ZNF589: variants seen among roughly 807,000 people sequenced by gnomAD.
ZNF589 encodes the protein KRAB-zinc finger protein SZF1-1.
ZNF589 carries 17 observed loss-of-function variants against 13.6 expected under a neutral mutation model. The ratio of observed to expected loss-of-function variants is 1.25; its 90% CI spans 0.86 to 1.88. The LOEUF (loss-of-function observed/expected upper bound fraction) is 1.88. Ranked by LOEUF, ZNF589 falls within the 40% of genes most tolerant of loss-of-function variation. The pLI is 0.00. For synonymous variants in ZNF589, 148 were observed against 161.6 expected (o/e 0.92, Z 0.64); for missense variants, 407 against 434.0 (o/e 0.94, Z 0.55).
At position 48,268,878 on chromosome 3, in the gene ZNF589, G is replaced by A; in HGVS notation, c.*92G>A. On this transcript the variant is annotated 3_prime_UTR_variant, in exon 4 of 4. Coordinates refer to ENST00000354698, the MANE Select transcript of ZNF589 (RefSeq NM_016089.3). The stretch of plus-strand genomic sequence containing the variant: ...TTTGTTTGCAGAGAGTGTGGGCGAG[G>A]CTTTCGTGCTAAATCAACTCTCCTC... 6.6e-7 allele frequency: 1 copy of A among 1,508,696 alleles called. No homozygotes were observed. The highest frequency in any genetic ancestry group is 8.9e-7 in the Non-Finnish European group (1 of 1,119,108). 93.5% of individuals were successfully genotyped at this position (1,508,696 alleles called of 1,614,324 possible).
Position 48,268,638 on chromosome 3 carries a change from A to C in ZNF589, c.947A>C (p.Lys316Thr), listed in dbSNP as rs1318112938. 9 of 1,613,798 alleles carry C rather than the reference A, an allele frequency of 5.6e-6. No individual in the cohort carries two copies. Among genetic ancestry groups the C allele is most frequent in the Non-Finnish European group, 7.6e-6 (9 of 1,180,002 alleles). The change falls in exon 4 of 4, where the codon AAG becomes ACG. Residue 316 changes from lysine (K) to threonine (T), a missense_variant. Transcript: ENST00000354698. ...CATTGTGGGCGAGGCTTTAGCTGCA[A>C]GCCATACCTCATCAGACATCAGAGG... The part of the protein sequence containing the change: ...CSHCGRGFSC[K>T]PYLIRHQRTH...
chr3:48,245,688 C>T (rs2033755169), intron 1 of ZNF589, among the ~76,000 whole-genome samples: 1 of 152,216 alleles, frequency 6.6e-6, no homozygotes, highest in East Asian at 1.9e-4. Context: ...TGGCTCACGC[C>T]TGTAATCCCA....
chr3:48,244,412 CAA>C, intron 1 of ZNF589, among the ~76,000 whole-genome samples: 1 of 152,120 alleles, frequency 6.6e-6, no homozygotes, highest in South Asian at 2.1e-4. Context: ...AGACAGTTAT[CAA>C]ACAAGACTAT....
At chr3:48,249,746 C>T (rs1330586390) in intron 2 of ZNF589, among the ~76,000 whole-genome samples, 2 of 152,106 alleles carry the variant, frequency 1.3e-5, no homozygotes, top group African/African-American at 2.4e-5. Flanking sequence ...ATGATCAAAT[C>T]GGGGTAATTA....
chr3:48,270,391 T>A lies in ZNF589; in HGVS notation c.*1605T>A, dbSNP rs1476140686. 5.4e-6 allele frequency: 2 copies of A among 367,650 alleles called. No individual in the cohort carries two copies. Among genetic ancestry groups the A allele is most frequent in the Non-Finnish European group, 1.1e-5 (2 of 187,702 alleles). The allele number at this position is 367,650 out of a possible 1,614,324, so 22.8% of individuals were successfully genotyped here. ...ATCATCAGCCTTCCAATACCAGGTT[T>A]AAGGGTATTTTAAACACAGCTCCTC... On this transcript the variant is annotated 3_prime_UTR_variant, in exon 4 of 4. Coordinates refer to ENST00000354698, the MANE Select transcript of ZNF589 (RefSeq NM_016089.3).
intron 2 of ZNF589, among the ~76,000 whole-genome samples, chr3:48,251,251 C>T (rs1487499191): frequency 1.3e-5 from 2 of 152,100 alleles, no homozygotes; most frequent in African/African-American, 2.4e-5. Flanking sequence ...AGAAGTGATG[C>T]TGGAAAATCT....
chr3:48,268,789 C>T lies in ZNF589; in HGVS notation c.*3C>T, dbSNP rs1305961152. ...AGCCTTATGTGTGCAGAGATTGAGG[C>T]CGAGGCTTTGTAAGGAGATCATGTC... On this transcript the variant is annotated 3_prime_UTR_variant, in exon 4 of 4. Coordinates refer to ENST00000354698, the MANE Select transcript of ZNF589 (RefSeq NM_016089.3). 3.1e-6 allele frequency: 5 copies of T among 1,602,756 alleles called. No individual in the cohort carries two copies. The African/African-American group carries it at 5.4e-5, about 17-fold the overall frequency.
chr3:48,263,514 G>C (rs1575295518), intron 3 of ZNF589, among the ~76,000 whole-genome samples: 1 of 152,138 alleles, frequency 6.6e-6, no homozygotes, highest in East Asian at 1.9e-4. Flanking sequence ...AGGCCAAGGC[G>C]GGCAGATCAT....
At chr3:48,266,582 T>C (rs748570564) in intron 3 of ZNF589, among the ~76,000 whole-genome samples, 10 of 152,130 alleles carry the variant, frequency 6.6e-5, no homozygotes, top group Non-Finnish European at 1.2e-4. Flanking sequence ...TCCCAGCACT[T>C]TGGGAGGCCA....
chr3:48,267,675 G>A (rs997735939), intron 3 of ZNF589, among the ~76,000 whole-genome samples: 4 of 152,308 alleles, frequency 2.6e-5, no homozygotes, highest in East Asian at 1.9e-4. Flanking sequence ...GATTACAGGC[G>A]TGAGCCACTG....
chr3:48,242,889 AC>A (rs1307697385), intron 1 of ZNF589, among the ~76,000 whole-genome samples: 3 of 150,826 alleles, frequency 2.0e-5, no homozygotes, highest in South Asian at 2.1e-4. Flanking sequence ...ACATGGCAAC[AC>A]CCCATCTCTA....
In ZNF589 at chr3:48,269,464, G is replaced by A; in HGVS notation, c.*678G>A. On this transcript the variant is annotated 3_prime_UTR_variant, in exon 4 of 4. Transcript: ENST00000354698. ...CTTATGTGTGTGGGGAATGTGGGCG[G>A]GGATTTGGCCGGAAGATACTCCTCA... is the stretch of plus-strand genomic sequence containing the variant. 9.9e-6 allele frequency: 4 copies of A among 402,150 alleles called. No individual in the cohort carries two copies. Among genetic ancestry groups the A allele is most frequent in the South Asian group, 4.6e-5 (2 of 43,338 alleles). 24.9% of individuals were successfully genotyped at this position (402,150 alleles called of 1,614,324 possible).
Position 48,242,526 on chromosome 3 carries a change from A to G in ZNF589, c.43+1312A>G, listed in dbSNP as rs186452939. 2.7e-3 allele frequency among the ~76,000 whole-genome samples: 405 copies of G among 151,492 alleles called. 2 individuals carry two copies. Among genetic ancestry groups the G allele is most frequent in the African/African-American group, 9.1e-3 (374 of 41,322 alleles). On this transcript the variant is annotated intron_variant, in intron 1 of 3. Coordinates refer to ENST00000354698, the MANE Select transcript of ZNF589 (RefSeq NM_016089.3). ...CCTATGTTGCCCAGGCTGGTCTCCA[A>G]CTCCTGGGCTCAAGGGATCCTCCCG...
intron 1 of ZNF589, among the ~76,000 whole-genome samples, chr3:48,245,760 A>G (rs2033756480): frequency 6.6e-6 from 1 of 152,208 alleles, no homozygotes; most frequent in South Asian, 2.1e-4. Context: ...CAGCCTGGCC[A>G]ACATGGTGAA....
At chr3:48,263,456 T>G (rs2033987970) in intron 3 of ZNF589, among the ~76,000 whole-genome samples, 1 of 152,160 alleles carries the variant, frequency 6.6e-6, no homozygotes, top group African/African-American at 2.4e-5. Flanking sequence ...ATTAAAACAT[T>G]CTGCAGCTGG....
chr3:48,264,136 T>C (rs951531717), intron 3 of ZNF589, among the ~76,000 whole-genome samples: 5 of 152,220 alleles, frequency 3.3e-5, no homozygotes, highest in Non-Finnish European at 7.3e-5. Flanking sequence ...AAAGAAGCAG[T>C]AGGTGGAACC....
At chr3:48,254,909 AGTCAT>A (rs1365208936) in intron 2 of ZNF589, among the ~76,000 whole-genome samples, 1 of 151,896 alleles carries the variant, frequency 6.6e-6, no homozygotes, top group African/African-American at 2.4e-5. Context: ...CTATGTAGAC[AGTCAT>A]GTCATCTGTG....
intron 3 of ZNF589, 72 bp from the exon 4 acceptor site, chr3:48,267,842 AG>A: frequency 7.0e-7 from 1 of 1,437,442 alleles, no homozygotes; most frequent in Non-Finnish European, 9.3e-7. Flanking sequence ...TTAATGGGCC[AG>A]GTCTTATCAT....
Position 48,270,560 on chromosome 3 carries a change from A to G in ZNF589, c.*1774A>G. The G allele has an allele frequency of 3.2e-6, 1 of 314,792 alleles. No homozygotes were observed. Among genetic ancestry groups the G allele is most frequent in the South Asian group, 2.9e-5 (1 of 34,860 alleles). The allele number at this position is 314,792 out of a possible 1,614,324, so 19.5% of individuals were successfully genotyped here. A position where few individuals can be genotyped will look rare whatever the true frequency, so the allele number is the denominator to read the frequency against. ...GGCCCAGGTTCTGACAGTTTGCCTT[A>G]CTCCCTTGGGCTGGGGCTAGCCCTA... On this transcript the variant is annotated 3_prime_UTR_variant, in exon 4 of 4. Transcript: ENST00000354698.
Sources: gnomAD v4.1 joint callset for allele counts (sites outside exome capture counted in the v4.1 genomes callset) on GRCh38, gnomAD v4.1.1 for gene constraint, MANE v1.5 for transcripts, NCBI Gene and HGNC (gene_info 2026-07-23, HGNC 2026-07-21) for gene names.